The following ANKS1B variants were observed in gnomAD, a reference collection of about 807,000 sequenced individuals.
The protein encoded by ANKS1B is ankyrin repeat and sterile alpha motif domain-containing protein 1B.
In ANKS1B, 36 loss-of-function variants were observed where a neutral mutation model predicts 148.3. That is an observed-to-expected ratio of 0.24 (90% CI 0.19 to 0.32). ANKS1B has a LOEUF of 0.32. Among genes scored for constraint, ANKS1B ranks in the 10% least tolerant of loss-of-function variants. ANKS1B has a pLI of 1.00. For missense variants in ANKS1B, 1,157 were observed against 1,542.6 expected, an observed-to-expected ratio of 0.75 and a Z score of 4.19; for synonymous variants, 542 against 560.8, an observed-to-expected ratio of 0.97 and a Z score of 0.47.
At position 99,233,942 on chromosome 12, in the gene ANKS1B, G is replaced by A. The variant is rs117341128; in HGVS notation, c.2419+10400C>T. Among the ~76,000 whole-genome samples, 695 of 152,142 alleles carry A rather than the reference G, an allele frequency of 4.6e-3. 13 individuals carry two copies. In the South Asian group the frequency reaches 0.049, roughly 11 times the overall value. On this transcript the variant is annotated intron_variant, in intron 14 of 26. Transcript: ENST00000683438. ...TATCTGACATTAGAAATGTGTAGGG[G>A]TGGGGACAACAAAAAAAATGCTGAG...
chr12:99,649,780 T>C (rs1483942322), intron 9 of ANKS1B: 1 of 163,232 alleles, frequency 6.1e-6, no homozygotes, highest in African/African-American at 2.4e-5. Flanking sequence ...AGCAGAGAGA[T>C]ACTGAGAAGG....
chr12:99,867,198 T>A (rs578133568), intron 1 of ANKS1B, among the ~76,000 whole-genome samples: 2 of 152,312 alleles, frequency 1.3e-5, no homozygotes, highest in African/African-American at 4.8e-5. Flanking sequence ...TTGCTATTCT[T>A]CATCCTTTCC....
downstream of ANKS1B, among the ~76,000 whole-genome samples, chr12:98,740,692 T>TAACA (rs2097794109): frequency 1.3e-5 from 2 of 152,330 alleles, no homozygotes; most frequent in Non-Finnish European, 2.9e-5. Context: ...TTTTCCTCAC[T>TAACA]AACAACCCCT....
intron 24 of ANKS1B, among the ~76,000 whole-genome samples, chr12:98,779,880 A>AT (rs2098716929): frequency 6.6e-6 from 1 of 152,220 alleles, no homozygotes; most frequent in Non-Finnish European, 1.5e-5. Flanking sequence ...TTATGCTGAT[A>AT]TTATTGGTCA....
chr12:98,941,997 C>T (rs1291189935), intron 17 of ANKS1B, among the ~76,000 whole-genome samples: 1 of 152,124 alleles, frequency 6.6e-6, no homozygotes, highest in Admixed American at 6.6e-5. Context: ...AATCCCAGAA[C>T]TTTGGGAGGC....
chr12:99,959,068 T>C (rs1350341630), intron 1 of ANKS1B, among the ~76,000 whole-genome samples: 1 of 149,618 alleles, frequency 6.7e-6, no homozygotes, highest in Admixed American at 6.7e-5. Context: ...TTTTTTTTTT[T>C]TTTTTGAGAC....
At position 99,189,946 on chromosome 12, in the gene ANKS1B, G is replaced by A. The variant is rs568960857; in HGVS notation, c.2420-35551C>T. Among the ~76,000 whole-genome samples the A allele has an allele frequency of 1.6e-3, 238 of 152,226 alleles. 2 individuals are homozygous for A. The highest frequency in any genetic ancestry group is 5.6e-3 in the African/African-American group (231 of 41,548). On this transcript the variant is annotated intron_variant, in intron 14 of 26. Transcript: ENST00000683438. The stretch of plus-strand genomic sequence containing the variant: ...GACTGTATATTTAGAAAACCCCATC[G>A]TCTCAGTTCAAAATCTTCTTAAGCT...
intron 11 of ANKS1B, among the ~76,000 whole-genome samples, chr12:99,409,285 G>C (rs145292263): frequency 1.3e-5 from 2 of 152,226 alleles, no homozygotes; most frequent in South Asian, 4.1e-4. Context: ...TTTATTTGTA[G>C]GAACTAGAAA....
At chr12:99,494,295 G>T (rs1258970282) in intron 10 of ANKS1B, among the ~76,000 whole-genome samples, 1 of 152,146 alleles carries the variant, frequency 6.6e-6, no homozygotes, top group Admixed American at 6.5e-5. Context: ...GAAGGAAAAT[G>T]AACATATTGA....
intron 12 of ANKS1B, among the ~76,000 whole-genome samples, chr12:99,372,005 G>A (rs1421289209): frequency 6.6e-6 from 1 of 152,110 alleles, no homozygotes; most frequent in Non-Finnish European, 1.5e-5. Context: ...AAAGCATAGA[G>A]GATTTTCAGG....
At chr12:99,830,403 T>G (rs912397701) in intron 1 of ANKS1B, among the ~76,000 whole-genome samples, 4 of 152,064 alleles carry the variant, frequency 2.6e-5, no homozygotes, top group Non-Finnish European at 5.9e-5. Context: ...TATGGAATAT[T>G]TTACGGAAAA....
intron 16 of ANKS1B, among the ~76,000 whole-genome samples, chr12:99,063,144 T>C (rs1221686323): frequency 6.6e-6 from 1 of 152,164 alleles, no homozygotes; most frequent in African/African-American, 2.4e-5. Flanking sequence ...CTACTTAAAC[T>C]TGCCTAGGAA....
chr12:99,310,639 GT>G (rs2083009261), intron 12 of ANKS1B, among the ~76,000 whole-genome samples: 1 of 152,094 alleles, frequency 6.6e-6, no homozygotes, highest in Non-Finnish European at 1.5e-5. Flanking sequence ...GGCTCTCACG[GT>G]TTTCAGGCCT....
At chr12:99,105,196 T>C (rs539313428) in intron 15 of ANKS1B, among the ~76,000 whole-genome samples, 2 of 152,336 alleles carry the variant, frequency 1.3e-5, no homozygotes, top group Non-Finnish European at 2.9e-5. Context: ...TGAGGACTGT[T>C]ATGCAATTAA....
intron 10 of ANKS1B, among the ~76,000 whole-genome samples, chr12:99,469,425 A>T (rs1399837326): frequency 2.0e-5 from 3 of 151,994 alleles, no homozygotes; most frequent in African/African-American, 7.3e-5. Flanking sequence ...ACGTACCCTA[A>T]AACTTAAAGT....
intron 10 of ANKS1B, among the ~76,000 whole-genome samples, chr12:99,448,577 CA>C (rs1160248419): frequency 6.6e-6 from 1 of 151,490 alleles, no homozygotes; most frequent in Non-Finnish European, 1.5e-5. Flanking sequence ...GTTCTCACCA[CA>C]AAAAAAATGC....
chr12:99,430,482 C>A (rs370730096), intron 11 of ANKS1B, among the ~76,000 whole-genome samples: 45 of 152,216 alleles, frequency 3.0e-4, no homozygotes, highest in East Asian at 2.5e-3. Context: ...AAACACTGTA[C>A]GTTACTTGAC....
chr12:99,337,978 A>G (rs2089252283), intron 12 of ANKS1B, among the ~76,000 whole-genome samples: 1 of 152,166 alleles, frequency 6.6e-6, no homozygotes, highest in African/African-American at 2.4e-5. Context: ...GTCAGATCTG[A>G]AGCCAGCACA....
At position 98,953,537 on chromosome 12, in the gene ANKS1B, G is replaced by GTTTTTTTTTTTTTT. The variant is rs1166158783; in HGVS notation, c.2778+99606_2778+99619dup. Among the ~76,000 whole-genome samples, 31 of 57,456 alleles carry GTTTTTTTTTTTTTT rather than the reference G, an allele frequency of 5.4e-4. 7 individuals carry two copies. Among genetic ancestry groups the GTTTTTTTTTTTTTT allele is most frequent in the African/African-American group, 1.5e-3 (21 of 13,570 alleles). 37.7% of individuals were successfully genotyped at this position (57,456 alleles called of 152,430 possible). A position where few individuals can be genotyped will look rare whatever the true frequency, so the allele number is the denominator to read the frequency against. ...CATGTCCATTTGAGAATCTAGAGTG[G>GTTTTTTTTTTTTTT]TTTTTTTTTTTTTTTTTTTTTTTTT... On this transcript the variant is annotated intron_variant, in intron 17 of 26. Coordinates refer to ENST00000683438, the MANE Select transcript of ANKS1B (RefSeq NM_001352186.2).
Sources: allele counts gnomAD v4.1 joint callset (sites outside exome capture counted in the v4.1 genomes callset), GRCh38; gene constraint gnomAD v4.1.1; transcripts MANE v1.5; gene names NCBI Gene and HGNC (gene_info 2026-07-23, HGNC 2026-07-21).